The following PVR variants were observed in gnomAD, a reference collection of about 807,000 sequenced individuals.
The protein encoded by PVR is poliovirus receptor.
Under a neutral mutation model 43.3 loss-of-function variants are expected in PVR, and 39 were observed. The observed-to-expected ratio is 0.90, with a 90% confidence interval of 0.70 to 1.18. The LOEUF (loss-of-function observed/expected upper bound fraction) is 1.18, where lower values mean the gene tolerates loss of function less well. Among genes scored for constraint, PVR ranks in the 50% most tolerant of loss-of-function variants. The pLI is 0.00. For missense variants in PVR, 480 were observed against 549.7 expected (o/e 0.87, Z 1.27); for synonymous variants, 224 against 233.2 (o/e 0.96, Z 0.36).
At chr19:44,654,274 T>C (rs143875794) in intron 4 of PVR, among the ~76,000 whole-genome samples, 218 of 107,690 alleles carry the variant, frequency 2.0e-3, no homozygotes, top group African/African-American at 0.013. Flanking sequence ...GGCTGGGGGG[T>C]CTGGACCCCT....
chr19:44,654,703 C>G (rs906905445), intron 4 of PVR, among the ~76,000 whole-genome samples: 1 of 152,248 alleles, frequency 6.6e-6, no homozygotes, highest in Non-Finnish European at 1.5e-5. Context: ...CAGGCCACAT[C>G]ATTTGTAAAC....
At chr19:44,644,818 C>G (rs555892628) in intron 1 of PVR, among the ~76,000 whole-genome samples, 1 of 148,840 alleles carries the variant, frequency 6.7e-6, no homozygotes, top group African/African-American at 2.5e-5. Flanking sequence ...CGAGTTCAAG[C>G]GATTCTCCTG....
chr19:44,663,196 A>T lies in PVR; in HGVS notation c.*1385A>T, dbSNP rs908344763. 4 of 152,330 alleles carry T rather than the reference A, an allele frequency of 2.6e-5. No individual in the cohort carries two copies. The East Asian group carries it at 7.7e-4, about 29-fold the overall frequency. The allele number at this position is 152,330 out of a possible 1,614,324, so 9.4% of individuals were successfully genotyped here. On this transcript the variant is annotated 3_prime_UTR_variant, in exon 8 of 8. Transcript: ENST00000425690. ...CCAGGAGGCCCAGCTGCTCAGTGCAACTGACAAGTTAAAAAGGTCTATGAT... is the reference window on the plus strand; with the variant it reads ...CCAGGAGGCCCAGCTGCTCAGTGCATCTGACAAGTTAAAAAGGTCTATGAT...
At chr19:44,645,443 A>AT (rs1555762259) in intron 1 of PVR, among the ~76,000 whole-genome samples, 3 of 115,624 alleles carry the variant, frequency 2.6e-5, no homozygotes, top group Admixed American at 1.0e-4. Flanking sequence ...ATATATATAT[A>AT]TAGTGCGTGT....
At chr19:44,659,117 G>A (rs2123769439) in intron 6 of PVR, 2 of 487,172 alleles carry the variant, frequency 4.1e-6, no homozygotes, top group South Asian at 7.6e-5. Context: ...GGGTCTTAAT[G>A]CCATGGTAGG....
chr19:44,647,202 CTTCTCTTCGG>C lies in PVR; in HGVS notation c.80-15_80-6del. On this transcript the variant is annotated splice_polypyrimidine_tract_variant and intron_variant, in intron 1 of 7. Coordinates refer to ENST00000425690, the MANE Select transcript of PVR (RefSeq NM_006505.5). ...TCCAAGAACGCCCCGGGTCTGACAC[CTTCTCTTCGG>C]TTCTCCGCAGGGGACGTCGTCGTGC... The C allele has an allele frequency of 6.6e-7, 1 of 1,509,626 alleles. No homozygotes were observed. Among genetic ancestry groups the C allele is most frequent in the Non-Finnish European group, 8.9e-7 (1 of 1,122,492 alleles). The allele number at this position is 1,509,626 out of a possible 1,614,324, so 93.5% of individuals were successfully genotyped here.
chr19:44,644,047 G>A lies in PVR; in HGVS notation c.-50G>A. On this transcript the variant is annotated 5_prime_UTR_variant, in exon 1 of 8. Coordinates refer to ENST00000425690, the MANE Select transcript of PVR (RefSeq NM_006505.5). The stretch of plus-strand genomic sequence containing the variant: ...GACCGCGGCAGAGCGAGCGGGCGCC[G>A]GGAAGCGAGGAGACGCCCGCGGGAG... 2 of 1,465,128 alleles carry A rather than the reference G, an allele frequency of 1.4e-6. No homozygotes were observed. Among genetic ancestry groups the A allele is most frequent in the Non-Finnish European group, 1.8e-6 (2 of 1,103,060 alleles). The allele number at this position is 1,465,128 out of a possible 1,614,324, so 90.8% of individuals were successfully genotyped here.
In PVR at chr19:44,663,948, G is replaced by A. The variant is rs77742447; in HGVS notation, c.*2137G>A. ...TTTTTTAATTAGATAGTACATAAAC[G>A]TCCCAAAATTAGAAGATAAAAAGAC... On this transcript the variant is annotated 3_prime_UTR_variant, in exon 8 of 8. Transcript: ENST00000425690. Among the ~76,000 whole-genome samples, 266 of 151,978 alleles carry A rather than the reference G, an allele frequency of 1.8e-3. 4 individuals carry two copies. In the East Asian group the frequency reaches 0.047, roughly 27 times the overall value.
At chr19:44,655,687 T>G (rs1973424500) in intron 4 of PVR, among the ~76,000 whole-genome samples, 1 of 152,186 alleles carries the variant, frequency 6.6e-6, no homozygotes, top group African/African-American at 2.4e-5. Flanking sequence ...TTAGGAAGAC[T>G]GTCAAACATA....
At chr19:44,651,220 C>G (rs1973272084) in intron 3 of PVR, among the ~76,000 whole-genome samples, 1 of 152,092 alleles carries the variant, frequency 6.6e-6, no homozygotes, top group Non-Finnish European at 1.5e-5. Context: ...CTCTCCTGGG[C>G]CACAGACAGC....
At chr19:44,659,051 C>T in intron 6 of PVR, 151 bp downstream of exon 6, 1 of 646,988 alleles carries the variant, frequency 1.5e-6, no homozygotes, top group Non-Finnish European at 2.6e-6. Context: ...GCCTTGTTCA[C>T]TGGTTCATTG....
chr19:44,661,638 A>G (rs1457992776), intron 7 of PVR, 102 bp from the exon 8 acceptor site: 12 of 1,041,060 alleles, frequency 1.2e-5, no homozygotes, highest in Admixed American at 2.0e-5. Context: ...GGGAGAGAGG[A>G]GGGGACGGGC....
Position 44,654,020 on chromosome 19 carries a change from G to T in PVR, c.842+3G>T. The T allele has an allele frequency of 6.2e-7, 1 of 1,606,824 alleles. No homozygotes were observed. Among genetic ancestry groups the T allele is most frequent in the Non-Finnish European group, 8.5e-7 (1 of 1,173,460 alleles). On this transcript the variant is annotated splice_donor_region_variant and intron_variant, in intron 4 of 7. Transcript: ENST00000425690. ...CCCACAGGCTATAATTGGAGCACGT[G>T]AGTCCTGGGTCTCAGGGAGGAGGGG...
intron 3 of PVR, 55 bp downstream of exon 3, chr19:44,650,160 C>T (rs1973240935): frequency 8.3e-6 from 12 of 1,451,736 alleles, no homozygotes; most frequent in Non-Finnish European, 1.0e-5. Context: ...GCCCCCACCA[C>T]TGTCTACACT....
At chr19:44,653,411 C>A (rs1463733475) in intron 3 of PVR, among the ~76,000 whole-genome samples, 1 of 152,124 alleles carries the variant, frequency 6.6e-6, no homozygotes, top group Non-Finnish European at 1.5e-5. Context: ...CTGACTCCTA[C>A]CCCTCGCCCC....
rs1405527225 is a variant in PVR, at chr19:44,664,354, G to A, written c.*2543G>A. The A allele has an allele frequency of 2.6e-5, 4 of 151,980 alleles. No homozygotes were observed. The highest frequency in any genetic ancestry group is 9.7e-5 in the African/African-American group (4 of 41,362). The allele number at this position is 151,980 out of a possible 1,614,324, so 9.4% of individuals were successfully genotyped here. On this transcript the variant is annotated 3_prime_UTR_variant, in exon 8 of 8. Transcript: ENST00000425690. ...CTCCCGAGTAGCTGGGACTATAGGT[G>A]GGCGCCACCCCACCTGGCTAAATCT...
intron 6 of PVR, 50 bp from the exon 7 acceptor site, chr19:44,661,242 T>C (rs912963175): frequency 1.9e-6 from 3 of 1,569,156 alleles, no homozygotes; most frequent in East Asian, 2.2e-5. Flanking sequence ...CTTCTTCCCA[T>C]GCTTCCCAGC....
At chr19:44,647,646 G>T in intron 2 of PVR, 76 bp downstream of exon 2, 2 of 1,261,596 alleles carry the variant, frequency 1.6e-6, no homozygotes, top group South Asian at 1.4e-5. Flanking sequence ...GGCAAAGAGC[G>T]GGGAGGCCTG....
intron 4 of PVR, 120 bp downstream of exon 4, chr19:44,654,137 T>C: frequency 1.3e-6 from 1 of 755,982 alleles, no homozygotes; most frequent in Non-Finnish European, 2.1e-6. Flanking sequence ...CCCGGACCCC[T>C]GGGTCTGAGG....
Sources: gnomAD v4.1 joint callset for allele counts (sites outside exome capture counted in the v4.1 genomes callset) on GRCh38, gnomAD v4.1.1 for gene constraint, MANE v1.5 for transcripts, NCBI Gene and HGNC (gene_info 2026-07-23, HGNC 2026-07-21) for gene names.